SBF2: variants seen among roughly 807,000 people sequenced by gnomAD.
SBF2 encodes the protein myotubularin-related protein 13.
SBF2 carries 112 observed loss-of-function variants against 225.2 expected under a neutral mutation model. That is an observed-to-expected ratio of 0.50 (90% CI 0.43 to 0.58). The LOEUF is 0.58. Ranked by LOEUF, SBF2 falls within the 20% of genes least tolerant of loss-of-function variation. SBF2 has a pLI of 0.00. For synonymous variants in SBF2, 763 were observed against 773.3 expected (o/e 0.99, Z 0.22); for missense variants, 1,996 against 2,206.2 (o/e 0.90, Z 1.91).
chr11:9,992,899 G>A, intron 11 of SBF2, 91 bp downstream of exon 11: 1 of 879,758 alleles, frequency 1.1e-6, no homozygotes, highest in Non-Finnish European at 1.8e-6. Context: ...ATAAATCAAG[G>A]TCAAAATAAA....
intron 6 of SBF2, among the ~76,000 whole-genome samples, chr11:10,003,618 C>T (rs1369080896): frequency 5.3e-5 from 8 of 152,064 alleles, no homozygotes; most frequent in South Asian, 2.1e-4. Flanking sequence ...ACACCTGCCT[C>T]GGCCTCCCAA....
At chr11:9,805,900 C>T (rs937822129) in intron 32 of SBF2, among the ~76,000 whole-genome samples, 50 of 152,192 alleles carry the variant, frequency 3.3e-4, no homozygotes, top group African/African-American at 1.2e-3. Context: ...GGATTACAGG[C>T]GTGAGCCACC....
chr11:10,149,590 T>A (rs1331195670), intron 2 of SBF2: 1 of 152,190 alleles, frequency 6.6e-6, no homozygotes, highest in African/African-American at 2.4e-5. Context: ...ATTCATCACA[T>A]GACATAGATT....
Position 10,250,386 on chromosome 11 carries a change from C to T in SBF2, c.55+43629G>A, listed in dbSNP as rs527577738. ...CTCAGAACCAGGACAGCTGCCTTGT[C>T]CTTCTTGAGTCCTTAAGGCTCTTGT... is the stretch of plus-strand genomic sequence containing the variant. On this transcript the variant is annotated intron_variant, in intron 1 of 39. Coordinates refer to ENST00000256190, the MANE Select transcript of SBF2 (RefSeq NM_030962.4). Among the ~76,000 whole-genome samples the T allele has an allele frequency of 9.8e-5, 15 of 152,302 alleles. No individual in the cohort carries two copies. In the South Asian group the frequency reaches 1.2e-3, roughly 13 times the overall value.
At chr11:9,939,218 T>C (rs1033728368) in intron 16 of SBF2, among the ~76,000 whole-genome samples, 5 of 152,108 alleles carry the variant, frequency 3.3e-5, no homozygotes, top group Non-Finnish European at 5.9e-5. Flanking sequence ...GCCTCAGCCT[T>C]CCAAGTAGCT....
intron 33 of SBF2, among the ~76,000 whole-genome samples, chr11:9,794,243 C>T (rs1852947292): frequency 6.6e-6 from 1 of 151,870 alleles, no homozygotes; most frequent in Non-Finnish European, 1.5e-5. Context: ...AAAAAACAAA[C>T]CAAAAAAACC....
At chr11:9,781,678 A>C (rs1564846835) in intron 38 of SBF2, 40 bp from the exon 39 acceptor site, 1 of 1,613,478 alleles carries the variant, frequency 6.2e-7, no homozygotes, top group Admixed American at 1.7e-5. Flanking sequence ...AAGAGACAGA[A>C]AGAGAAAATG....
In SBF2 at chr11:10,119,676, T is replaced by C. The variant is rs147027881; in HGVS notation, c.141+74226A>G. Among the ~76,000 whole-genome samples, 387 of 152,314 alleles carry C rather than the reference T, an allele frequency of 2.5e-3. 1 individual carries two copies. The highest frequency in any genetic ancestry group is 8.3e-3 in the African/African-American group (344 of 41,578). On this transcript the variant is annotated intron_variant, in intron 2 of 39. Transcript: ENST00000256190. ...AATTAATAAATAATTGCTTAGTAAA[T>C]TGGAGTCCGACAGTATGTGAACCAA...
intron 1 of SBF2, among the ~76,000 whole-genome samples, chr11:10,219,676 C>A (rs1414505128): frequency 6.6e-6 from 1 of 152,186 alleles, no homozygotes; most frequent in Non-Finnish European, 1.5e-5. Context: ...ATGTCTTCCA[C>A]CGGATACCCT....
chr11:10,170,975 T>C (rs1242351684), intron 2 of SBF2, among the ~76,000 whole-genome samples: 2 of 152,218 alleles, frequency 1.3e-5, no homozygotes, highest in African/African-American at 2.4e-5. Flanking sequence ...CTAATGATTT[T>C]TGTATGCTAA....
intron 13 of SBF2, among the ~76,000 whole-genome samples, chr11:9,979,305 T>G (rs1280735472): frequency 6.6e-6 from 1 of 152,168 alleles, no homozygotes; most frequent in Non-Finnish European, 1.5e-5. Context: ...ACACTGAAGA[T>G]TCTGAAAGCC....
intron 9 of SBF2, among the ~76,000 whole-genome samples, chr11:9,995,309 T>C (rs1007344439): frequency 1.3e-5 from 2 of 152,216 alleles, no homozygotes; most frequent in South Asian, 2.1e-4. Context: ...ATTATATCAG[T>C]ATGTAGCAAA....
chr11:10,076,942 G>A (rs1346229586), intron 2 of SBF2, among the ~76,000 whole-genome samples: 1 of 152,056 alleles, frequency 6.6e-6, no homozygotes, highest in Non-Finnish European at 1.5e-5. Context: ...AAGAGCTTGG[G>A]AACAGGGCCC....
At chr11:10,174,130 C>T (rs1956348050) in intron 2 of SBF2, among the ~76,000 whole-genome samples, 1 of 152,078 alleles carries the variant, frequency 6.6e-6, no homozygotes, top group Non-Finnish European at 1.5e-5. Context: ...CAACACAGTT[C>T]CTCACCAGCA....
At chr11:10,227,163 G>A (rs1413206432) in intron 1 of SBF2, among the ~76,000 whole-genome samples, 1 of 152,102 alleles carries the variant, frequency 6.6e-6, no homozygotes, top group African/African-American at 2.4e-5. Context: ...CCCGCTTTTT[G>A]ATGGGGTTGT....
intron 1 of SBF2, among the ~76,000 whole-genome samples, chr11:10,224,904 C>G (rs550368353): frequency 9.1e-4 from 138 of 152,252 alleles, no homozygotes; most frequent in African/African-American, 3.2e-3. Flanking sequence ...GCATGATTTA[C>G]CAGGATGCCC....
chr11:10,150,388 A>G (rs1448028698), intron 2 of SBF2, among the ~76,000 whole-genome samples: 1 of 152,150 alleles, frequency 6.6e-6, no homozygotes, highest in Non-Finnish European at 1.5e-5. Context: ...GGGGCGAAAC[A>G]CTATTTTCAT....
chr11:10,162,457 T>C (rs1180446490), intron 2 of SBF2, among the ~76,000 whole-genome samples: 4 of 152,194 alleles, frequency 2.6e-5, no homozygotes, highest in Non-Finnish European at 1.5e-5. Context: ...CAGGGTTTCA[T>C]GTTGTCTGAG....
At chr11:10,228,854 C>T (rs558757992) in intron 1 of SBF2, among the ~76,000 whole-genome samples, 24 of 152,036 alleles carry the variant, frequency 1.6e-4, no homozygotes, top group African/African-American at 5.3e-4. Context: ...GGAGGATTCC[C>T]TCTTTTTCCA....
Sources: allele counts gnomAD v4.1 joint callset (sites outside exome capture counted in the v4.1 genomes callset), GRCh38; gene constraint gnomAD v4.1.1; transcripts MANE v1.5; gene names NCBI Gene and HGNC (gene_info 2026-07-23, HGNC 2026-07-21).